The following TOX2 variants were observed in gnomAD, a reference collection of about 807,000 sequenced individuals.
TOX2 encodes the protein granulosa cell HMG box 1.
Under a neutral mutation model 47.4 loss-of-function variants are expected in TOX2, and 15 were observed. That is an observed-to-expected ratio of 0.32 (90% CI 0.21 to 0.49). The LOEUF (loss-of-function observed/expected upper bound fraction) is 0.49, where lower values mean the gene tolerates loss of function less well. Ranked by LOEUF, TOX2 falls within the 20% of genes least tolerant of loss-of-function variation. TOX2 has a pLI of 0.99. For synonymous variants in TOX2, 290 were observed against 296.6 expected (o/e 0.98, Z 0.23); for missense variants, 622 against 673.1 (o/e 0.92, Z 0.84).
intron 3 of TOX2, among the ~76,000 whole-genome samples, chr20:44,024,715 C>G (rs2071032556): frequency 6.6e-6 from 1 of 152,054 alleles, no homozygotes; most frequent in South Asian, 2.1e-4. Flanking sequence ...CACAAATAAT[C>G]ATTATTAACC....
chr20:43,950,459 C>G (rs2145382715), intron 1 of TOX2, among the ~76,000 whole-genome samples: 1 of 152,262 alleles, frequency 6.6e-6, no homozygotes, highest in Middle Eastern at 3.4e-3. Flanking sequence ...CACTCCATCC[C>G]CAGTTGCCTC....
intron 3 of TOX2, among the ~76,000 whole-genome samples, chr20:44,048,753 CA>C (rs1243726716): frequency 0.017 from 2,380 of 136,066 alleles, 53 homozygotes; most frequent in African/African-American, 0.057. Context: ...GAATTCAAGG[CA>C]AAAAAAAAAA....
intron 1 of TOX2, among the ~76,000 whole-genome samples, chr20:43,936,864 G>A (rs1013402484): frequency 4.6e-5 from 7 of 152,200 alleles, no homozygotes; most frequent in African/African-American, 1.7e-4. Flanking sequence ...ATGCATGCAG[G>A]ACAGGAGGCT....
chr20:44,057,729 T>G (rs1290717122), intron 5 of TOX2, among the ~76,000 whole-genome samples: 1 of 152,044 alleles, frequency 6.6e-6, no homozygotes, highest in Non-Finnish European at 1.5e-5. Context: ...CAATAATCAT[T>G]TATTCAACTT....
chr20:43,980,090 C>T (rs62206199), intron 2 of TOX2, among the ~76,000 whole-genome samples: 1,708 of 152,250 alleles, frequency 0.011, 17 homozygotes, highest in Non-Finnish European at 0.019. Context: ...TTTGTTGCAG[C>T]ACTGTTCACA....
rs990305147 is a variant in TOX2 at position 43,985,439 on chromosome 20, G to A, written c.165+12007G>A. 3.3e-5 allele frequency among the ~76,000 whole-genome samples: 5 copies of A among 152,206 alleles called. No homozygotes were observed. The East Asian group carries it at 9.6e-4, about 29-fold the overall frequency. ...GGTTATAAAGGTAATGACATGAGAA[G>A]GCAGAACTGGGCTCAAATGATAATC... On this transcript the variant is annotated intron_variant, in intron 2 of 8. Transcript: ENST00000341197.
intron 3 of TOX2, among the ~76,000 whole-genome samples, chr20:44,017,402 G>A (rs1048563528): frequency 1.1e-4 from 16 of 152,272 alleles, no homozygotes; most frequent in African/African-American, 3.4e-4. Flanking sequence ...GTGTCAACCC[G>A]GCTTTCCCTG....
intron 2 of TOX2, among the ~76,000 whole-genome samples, chr20:43,992,796 A>T (rs896075251): frequency 6.6e-6 from 1 of 151,074 alleles, no homozygotes; most frequent in Non-Finnish European, 1.5e-5. Context: ...CAATAGAAAA[A>T]TGGCAGAGGT....
chr20:43,919,969 G>T (rs4810403), intron 1 of TOX2, among the ~76,000 whole-genome samples: 63,892 of 152,112 alleles, frequency 0.42, 13,719 homozygotes, highest in African/African-American at 0.48. Flanking sequence ...TGGCGAGATT[G>T]TAAAAACAGA....
chr20:44,022,681 C>G (rs1212234893), intron 3 of TOX2, among the ~76,000 whole-genome samples: 1 of 152,196 alleles, frequency 6.6e-6, no homozygotes, highest in African/African-American at 2.4e-5. Context: ...TGTTCCATGC[C>G]TGGTTCTTCT....
At position 44,059,519 on chromosome 20, in the gene TOX2, C is replaced by T. The variant is rs141376938; in HGVS notation, c.879+4993C>T. On this transcript the variant is annotated intron_variant, in intron 5 of 8. Coordinates refer to ENST00000341197, the MANE Select transcript of TOX2 (RefSeq NM_001098797.2). Reference sequence around the variant, plus strand: ...CCAAATACAAGAAGTTCAAAGAACACCTGGGAAATTTGTCACAAAAAGAAG... The same window carrying T: ...CCAAATACAAGAAGTTCAAAGAACATCTGGGAAATTTGTCACAAAAAGAAG... Among the ~76,000 whole-genome samples the T allele has an allele frequency of 2.4e-3, 369 of 152,150 alleles. 1 individual carries two copies. The highest frequency in any genetic ancestry group is 7.5e-3 in the African/African-American group (313 of 41,512).
chr20:44,068,672 C>G lies in TOX2; in HGVS notation c.1507C>G (p.Leu503Val). The change falls in exon 9 of 9, where the codon CTC (leucine) becomes GTC (valine). Residue 503 changes from leucine (L) to valine (V), a missense_variant. By Grantham distance (32) the Leu-to-Val change is conservative (BLOSUM62 1). This residue lies in a region of TOX2 where 294 missense variants were observed against 300.0 expected (regional missense o/e 0.98). Coordinates refer to ENST00000341197, the MANE Select transcript of TOX2 (RefSeq NM_001098797.2). Reference protein sequence around the residue: ...TCSLLPRDKSLYLT With the variant: ...TCSLLPRDKSVYLT ...CAGCCTGCTCCCCAGGGACAAATCG[C>G]TCTACCTCACCTAATCCCGCCTCCC... The G allele has an allele frequency of 6.2e-7, 1 of 1,613,892 alleles. No individual in the cohort carries two copies. Among genetic ancestry groups the G allele is most frequent in the Non-Finnish European group, 8.5e-7 (1 of 1,179,816 alleles).
Position 44,052,047 on chromosome 20 carries a change from G to T in TOX2, c.651+502G>T, listed in dbSNP as rs549420326. On this transcript the variant is annotated intron_variant, in intron 4 of 8. Transcript: ENST00000341197. The stretch of plus-strand genomic sequence containing the variant: ...GGACGGCTTCAGCAAGGCCATCGGG[G>T]TCACATTTATGGCCATTTGGCCCTT... Among the ~76,000 whole-genome samples the T allele has an allele frequency of 1.1e-4, 17 of 152,330 alleles. No individual in the cohort carries two copies. The East Asian group carries it at 2.7e-3, about 24-fold the overall frequency.
chr20:43,962,716 A>G (rs1268942341), intron 1 of TOX2, among the ~76,000 whole-genome samples: 1 of 152,170 alleles, frequency 6.6e-6, no homozygotes, highest in Non-Finnish European at 1.5e-5. Context: ...GGATTCGGCT[A>G]CTGCTGATGA....
intron 2 of TOX2, among the ~76,000 whole-genome samples, chr20:43,991,275 G>A (rs199612226): frequency 6.6e-6 from 1 of 151,926 alleles, no homozygotes; most frequent in East Asian, 1.9e-4. Context: ...GTCACTGAGC[G>A]GGCTGCTTCA....
intron 1 of TOX2, among the ~76,000 whole-genome samples, chr20:43,968,104 G>A (rs553322822): frequency 2.3e-4 from 35 of 152,082 alleles, no homozygotes; most frequent in African/African-American, 7.5e-4. Context: ...GTCATCTGCC[G>A]ATCATCCGTC....
At chr20:43,983,433 T>C (rs1392101099) in intron 2 of TOX2, among the ~76,000 whole-genome samples, 1 of 151,992 alleles carries the variant, frequency 6.6e-6, no homozygotes, top group African/African-American at 2.4e-5. Flanking sequence ...GATGGTACCA[T>C]CAGGAGGCCA....
chr20:43,978,448 G>A (rs185535004), intron 2 of TOX2, among the ~76,000 whole-genome samples: 11 of 152,004 alleles, frequency 7.2e-5, no homozygotes, highest in Admixed American at 6.5e-4. Flanking sequence ...CTAAGAGTAT[G>A]TAAAGAACCA....
intron 2 of TOX2, among the ~76,000 whole-genome samples, chr20:44,002,800 A>G (rs1378743659): frequency 6.6e-6 from 1 of 152,096 alleles, no homozygotes; most frequent in Non-Finnish European, 1.5e-5. Context: ...AGTCTCTTTA[A>G]ACAACCAGCT....
Sources: allele counts gnomAD v4.1 joint callset (sites outside exome capture counted in the v4.1 genomes callset), GRCh38; gene constraint gnomAD v4.1.1; regional missense constraint gnomAD v4.1.1; transcripts MANE v1.5; gene names NCBI Gene and HGNC (gene_info 2026-07-23, HGNC 2026-07-21).